The following LAD1 variants were observed in gnomAD, a reference collection of about 807,000 sequenced individuals.
LAD1 encodes ladinin 1, also known as ladinin-1.
Under a neutral mutation model 54.2 loss-of-function variants are expected in LAD1, and 53 were observed. The ratio of observed to expected loss-of-function variants is 0.98; its 90% CI spans 0.78 to 1.23. The LOEUF is 1.23. Among genes scored for constraint, LAD1 ranks in the 50% most tolerant of loss-of-function variants. The pLI, the probability that LAD1 is intolerant of heterozygous loss-of-function variation, is 0.00. For missense variants in LAD1, 637 were observed against 653.3 expected, an observed-to-expected ratio of 0.98 and a Z score of 0.27; for synonymous variants, 231 against 257.7, an observed-to-expected ratio of 0.90 and a Z score of 0.99.
chr1:201,383,342 A>G lies in LAD1; in HGVS notation c.1223T>C (p.Leu408Pro), dbSNP rs1400247065. The G allele has an allele frequency of 1.9e-6, 3 of 1,613,870 alleles. No individual in the cohort carries two copies. The highest frequency in any genetic ancestry group is 2.5e-6 in the Non-Finnish European group (3 of 1,180,008). The change falls in exon 6 of 10, where the codon CTG becomes CCG. Residue 408 changes from leucine to proline, a missense_variant. Transcript: ENST00000391967. ...PDNTVKLGEK[L>P]ERYHTAIRRS... is the part of the protein sequence containing the mutation. ...CCGTATGGCCGTGTGGTATCTCTCC[A>G]GCTTCTCTCCCAACTTCACTGTGTT...
intron 1 of LAD1, chr1:201,391,251 T>C (rs60465361): frequency 0.2 from 83,288 of 422,408 alleles, 12,308 homozygotes; most frequent in African/African-American, 0.57. Flanking sequence ...GACCCCACAC[T>C]CTACTTTTGG....
In LAD1 at chr1:201,399,320, C is replaced by T. The variant is rs776709739; in HGVS notation, c.-14G>A. ...GCTGACAGCCATGCTGCAGGAGCCCCGCGTGGCCGCCCGCGCCCCGCCGGC... is the reference window on the plus strand; with the variant it reads ...GCTGACAGCCATGCTGCAGGAGCCCTGCGTGGCCGCCCGCGCCCCGCCGGC... On this transcript the variant is annotated 5_prime_UTR_variant, in exon 1 of 10. Coordinates refer to ENST00000391967, the MANE Select transcript of LAD1 (RefSeq NM_005558.4). 6 of 1,532,716 alleles carry T rather than the reference C, an allele frequency of 3.9e-6. No homozygotes were observed. In the Admixed American group the frequency reaches 7.9e-5, roughly 20 times the overall value. 94.9% of individuals were successfully genotyped at this position (1,532,716 alleles called of 1,614,324 possible). A position where few individuals can be genotyped will look rare whatever the true frequency, so the allele number is the denominator to read the frequency against.
rs1173345049 is a variant in LAD1 at position 201,383,340 on chromosome 1, C to G, written c.1225G>C (p.Glu409Gln). 3 of 1,613,952 alleles carry G rather than the reference C, an allele frequency of 1.9e-6. No individual in the cohort carries two copies. Among genetic ancestry groups the G allele is most frequent in the Non-Finnish European group, 2.5e-6 (3 of 1,180,028 alleles). Residue 409 changes from glutamate (E) to glutamine (Q), a missense_variant, in exon 6 of 10, where the codon GAG (glutamate) becomes CAG (glutamine). By Grantham distance (29) the Glu-to-Gln change is conservative. Coordinates refer to ENST00000391967, the MANE Select transcript of LAD1 (RefSeq NM_005558.4). Reference sequence around the variant, plus strand: ...ACCCGTATGGCCGTGTGGTATCTCTCCAGCTTCTCTCCCAACTTCACTGTG... The same window carrying G: ...ACCCGTATGGCCGTGTGGTATCTCTGCAGCTTCTCTCCCAACTTCACTGTG... ...DNTVKLGEKLERYHTAIRRSE... is the reference protein window; with the variant it reads ...DNTVKLGEKLQRYHTAIRRSE...
intron 1 of LAD1, chr1:201,391,136 C>T (rs1392724124): frequency 2.2e-6 from 1 of 456,640 alleles, no homozygotes; most frequent in East Asian, 6.9e-5. Flanking sequence ...TTGGAGCCTC[C>T]CTCACCTTTC....
At chr1:201,397,943 G>A (rs1001045116) in intron 1 of LAD1, among the ~76,000 whole-genome samples, 35 of 152,128 alleles carry the variant, frequency 2.3e-4, no homozygotes, top group African/African-American at 7.5e-4. Context: ...CTCCTCAGCC[G>A]CACCCTCAGC....
chr1:201,397,746 A>G (rs1662322593), intron 1 of LAD1, among the ~76,000 whole-genome samples: 1 of 151,802 alleles, frequency 6.6e-6, no homozygotes, highest in African/African-American at 2.4e-5. Context: ...CAACATAAGA[A>G]CCAGCTCCCC....
chr1:201,399,245 C>A, intron 1 of LAD1, 24 bp downstream of exon 1: 1 of 1,543,192 alleles, frequency 6.5e-7, no homozygotes, highest in East Asian at 2.4e-5. Context: ...CCCCCCGCCC[C>A]TCCCGGCTCC....
At chr1:201,382,153 G>A (rs1362772229) in intron 9 of LAD1, 99 bp downstream of exon 9, 14 of 1,064,264 alleles carry the variant, frequency 1.3e-5, no homozygotes, top group Middle Eastern at 5.9e-4. Flanking sequence ...TGGACTGCGC[G>A]ATTGCAGGCC....
At chr1:201,385,979 C>T (rs1211816753) in intron 3 of LAD1, among the ~76,000 whole-genome samples, 174 bp from the exon 4 acceptor site, 1 of 152,152 alleles carries the variant, frequency 6.6e-6, no homozygotes, top group Non-Finnish European at 1.5e-5. Context: ...GACAAAGTCC[C>T]TTGGGGCCAG....
Position 201,384,813 on chromosome 1 carries a change from GA to G in LAD1, c.1153del (p.Ser385ArgfsTer5). ...CCACCTGCGAGTTAGGGTTGTTTCC[GA>G]GTTTTCTTTCTTGGGTTTCATCTGA... is the stretch of plus-strand genomic sequence containing the variant. ...SFRMKPKKEN[S>X]ETTLTRSASM... On this transcript the variant is annotated frameshift_variant, in exon 5 of 10. Transcript: ENST00000391967. LOFTEE classifies it high-confidence loss of function. The G allele has an allele frequency of 6.2e-7, 1 of 1,614,034 alleles. No homozygotes were observed. The highest frequency in any genetic ancestry group is 8.5e-7 in the Non-Finnish European group (1 of 1,179,998).
chr1:201,390,917 T>C (rs1662187300), intron 1 of LAD1, among the ~76,000 whole-genome samples: 1 of 152,186 alleles, frequency 6.6e-6, no homozygotes, highest in Admixed American at 6.5e-5. Context: ...TGGTCCTGCC[T>C]GAAGGAAACA....
At chr1:201,390,790 TG>T (rs907832094) in intron 1 of LAD1, among the ~76,000 whole-genome samples, 2 of 152,216 alleles carry the variant, frequency 1.3e-5, no homozygotes, top group African/African-American at 4.8e-5. Context: ...AAATGTCTCC[TG>T]GGGGGCAAAG....
At chr1:201,393,530 G>C (rs917371825) in intron 1 of LAD1, among the ~76,000 whole-genome samples, 1 of 152,132 alleles carries the variant, frequency 6.6e-6, no homozygotes, top group Non-Finnish European at 1.5e-5. Context: ...TGGATCACCT[G>C]AGGTCAGGAG....
intron 3 of LAD1, among the ~76,000 whole-genome samples, chr1:201,386,095 G>C (rs1662079006): frequency 1.3e-5 from 2 of 152,166 alleles, no homozygotes; most frequent in African/African-American, 4.8e-5. Context: ...ATGGTGGGGG[G>C]CACCAGATGC....
At chr1:201,384,555 C>A (rs772174357) in intron 5 of LAD1, among the ~76,000 whole-genome samples, 1 of 152,144 alleles carries the variant, frequency 6.6e-6, no homozygotes. Context: ...CCCACCCAAG[C>A]CCTGCCTCCT....
intron 1 of LAD1, among the ~76,000 whole-genome samples, chr1:201,391,379 A>C (rs1662193520): frequency 6.6e-6 from 1 of 152,134 alleles, no homozygotes; most frequent in Admixed American, 6.5e-5. Flanking sequence ...TCAGCCACTC[A>C]GCTGTTTCCA....
Position 201,381,868 on chromosome 1 carries a change from G to T in LAD1, c.*20C>A. ...GGTCCCTTGAGACGAAGACTTGCAGGTCTGTCTTGGCGGGGCTTGTCACAC... is the reference window on the plus strand; with the variant it reads ...GGTCCCTTGAGACGAAGACTTGCAGTTCTGTCTTGGCGGGGCTTGTCACAC... On this transcript the variant is annotated 3_prime_UTR_variant, in exon 10 of 10. Transcript: ENST00000391967. 1 of 1,613,910 alleles carries T rather than the reference G, an allele frequency of 6.2e-7. No individual in the cohort carries two copies. The highest frequency in any genetic ancestry group is 1.3e-5 in the African/African-American group (1 of 75,040).
At chr1:201,383,038 T>C (rs1431930134) in intron 7 of LAD1, 36 bp downstream of exon 7, 1 of 1,585,168 alleles carries the variant, frequency 6.3e-7, no homozygotes, top group East Asian at 2.3e-5. Flanking sequence ...TCAGGGCTAA[T>C]CACCCTAAGG....
chr1:201,398,833 T>TC (rs1410288284), intron 1 of LAD1, among the ~76,000 whole-genome samples: 2 of 151,790 alleles, frequency 1.3e-5, no homozygotes, highest in African/African-American at 4.8e-5. Flanking sequence ...CTCTCCCTGC[T>TC]CCCCCTCCCA....
Sources: gnomAD v4.1 joint callset for allele counts (sites outside exome capture counted in the v4.1 genomes callset) on GRCh38, gnomAD v4.1.1 for gene constraint, MANE v1.5 for transcripts, NCBI Gene and HGNC (gene_info 2026-07-23, HGNC 2026-07-21) for gene names.